The following ORC2 variants were observed in gnomAD, a reference collection of about 807,000 sequenced individuals.
ORC2 encodes the protein origin recognition complex protein 2 homolog.
ORC2 carries 37 observed loss-of-function variants against 77.7 expected under a neutral mutation model. The observed-to-expected ratio is 0.48, with a 90% CI of 0.37 to 0.63. The LOEUF (loss-of-function observed/expected upper bound fraction) is 0.63. Among genes scored for constraint, ORC2 ranks in the 20% least tolerant of loss-of-function variants. The pLI, the probability that ORC2 is intolerant of heterozygous loss-of-function variation, is 0.00. For missense variants in ORC2, 557 were observed against 661.9 expected, an observed-to-expected ratio of 0.84 and a Z score of 1.74; for synonymous variants, 201 against 229.5, an observed-to-expected ratio of 0.88 and a Z score of 1.12.
In ORC2 at chr2:200,914,493, T is replaced by TA. The variant is rs1158954483; in HGVS notation, c.1467-502dup. Among the ~76,000 whole-genome samples, 15 of 152,090 alleles carry TA rather than the reference T, an allele frequency of 9.9e-5. 1 individual carries two copies. In the East Asian group the frequency reaches 2.9e-3, roughly 29 times the overall value. ...CTTTTTTATTTCTTCTAAAGAAAAATATAGGCTGAGTGTGGTGCCTCACAC... is the reference window on the plus strand; with the variant it reads ...CTTTTTTATTTCTTCTAAAGAAAAATAATAGGCTGAGTGTGGTGCCTCACAC... On this transcript the variant is annotated intron_variant, in intron 15 of 17. Transcript: ENST00000234296.
intron 5 of ORC2, among the ~76,000 whole-genome samples, chr2:200,948,698 G>A (rs1199158622): frequency 6.6e-6 from 1 of 151,880 alleles, no homozygotes; most frequent in Non-Finnish European, 1.5e-5. Context: ...GGATAGCTAG[G>A]ACTACAGGCA....
chr2:200,956,460 C>A (rs1468016564), intron 4 of ORC2, among the ~76,000 whole-genome samples: 1 of 152,068 alleles, frequency 6.6e-6, no homozygotes, highest in Non-Finnish European at 1.5e-5. Context: ...AGATTACAGG[C>A]ATGAGCCATC....
At chr2:200,913,475 C>T (rs992920629) in intron 16 of ORC2, 62 bp from the exon 17 acceptor site, 8 of 1,500,796 alleles carry the variant, frequency 5.3e-6, no homozygotes, top group South Asian at 1.2e-5. Context: ...AATATACAAA[C>T]ACCCATACAA....
chr2:200,924,044 T>C (rs2040802362), intron 13 of ORC2, among the ~76,000 whole-genome samples: 3 of 152,166 alleles, frequency 2.0e-5, no homozygotes, highest in Admixed American at 2.0e-4. Flanking sequence ...TTCAAATGTG[T>C]AGAGTTGGTA....
intron 8 of ORC2, among the ~76,000 whole-genome samples, chr2:200,937,201 T>C (rs897967854): frequency 2.0e-5 from 3 of 152,130 alleles, no homozygotes; most frequent in Non-Finnish European, 4.4e-5. Flanking sequence ...TCACCTTCTC[T>C]CTAAAAAACA....
intron 1 of ORC2, among the ~76,000 whole-genome samples, chr2:200,960,917 C>T (rs1343801923): frequency 6.6e-6 from 1 of 151,878 alleles, no homozygotes; most frequent in East Asian, 1.9e-4. Context: ...GCTGGGACTA[C>T]AGGTGTGCAC....
intron 8 of ORC2, among the ~76,000 whole-genome samples, chr2:200,937,256 T>C (rs1423026589): frequency 1.3e-5 from 2 of 152,326 alleles, no homozygotes; most frequent in South Asian, 2.1e-4. Context: ...TGGGATATAG[T>C]TGACATGAAA....
At chr2:200,953,483 T>C (rs1257812130) in intron 4 of ORC2, among the ~76,000 whole-genome samples, 1 of 151,844 alleles carries the variant, frequency 6.6e-6, no homozygotes, top group Non-Finnish European at 1.5e-5. Flanking sequence ...TTGTACACTG[T>C]AGGTTGATAT....
rs1326587661 is a variant in ORC2, at chr2:200,949,613, C to T, written c.269G>A (p.Gly90Asp). 1 of 1,600,294 alleles carries T rather than the reference C, an allele frequency of 6.2e-7. No individual in the cohort carries two copies. Among genetic ancestry groups the T allele is most frequent in the Admixed American group, 1.7e-5 (1 of 59,506 alleles). The change falls in exon 5 of 18, where the codon GGT becomes GAT. Residue 90 changes from glycine to aspartate, a missense_variant. Gly to Asp is a moderately conservative substitution (Grantham distance 94, BLOSUM62 -1). Coordinates refer to ENST00000234296, the MANE Select transcript of ORC2 (RefSeq NM_006190.5). ...ESLKNGSATG[G>D]GNKVYSFQNR... ...CTGAAAAGAATAAACTTTATTTCCA[C>T]CACCTGTAGCAGAGCCATTTTTCAA...
intron 2 of ORC2, among the ~76,000 whole-genome samples, 190 bp from the exon 3 acceptor site, chr2:200,958,323 T>C (rs1163720340): frequency 1.3e-5 from 2 of 152,106 alleles, no homozygotes; most frequent in East Asian, 1.9e-4. Flanking sequence ...ATCTAAAAAA[T>C]TGGGGAGGCA....
At chr2:200,931,316 G>T (rs889805868) in intron 11 of ORC2, 23 bp downstream of exon 11, 3 of 927,992 alleles carry the variant, frequency 3.2e-6, no homozygotes, top group Non-Finnish European at 4.8e-6. Context: ...TATTTTACAA[G>T]GGTTTGTAAT....
At chr2:200,957,635 C>A in intron 3 of ORC2, 91 bp from the exon 4 acceptor site, 2 of 969,960 alleles carry the variant, frequency 2.1e-6, no homozygotes, top group South Asian at 3.0e-5. Flanking sequence ...TTTATATTGT[C>A]ATTACTTAAA....
At chr2:200,949,428 C>T in intron 5 of ORC2, 126 bp downstream of exon 5, 1 of 619,816 alleles carries the variant, frequency 1.6e-6, no homozygotes, top group South Asian at 1.9e-5. Context: ...TCATTATTCC[C>T]TAAACCATAG....
intron 5 of ORC2, among the ~76,000 whole-genome samples, chr2:200,945,102 C>T (rs1559019306): frequency 1.3e-5 from 2 of 152,202 alleles, no homozygotes; most frequent in Non-Finnish European, 2.9e-5. Context: ...TACTGTCTGG[C>T]CCTTTACAGA....
chr2:200,949,102 G>A (rs761536708), intron 5 of ORC2, among the ~76,000 whole-genome samples: 7 of 151,880 alleles, frequency 4.6e-5, no homozygotes, highest in Non-Finnish European at 1.0e-4. Flanking sequence ...TTAGCCGGGT[G>A]TGGTGGAGCA....
chr2:200,933,877 T>C lies in ORC2; in HGVS notation c.806A>G (p.Gln269Arg). The change falls in exon 10 of 18, where the codon CAG becomes CGG. Residue 269 changes from glutamine to arginine, a missense_variant and splice_region_variant. By Grantham distance (43) the Gln-to-Arg change is conservative (BLOSUM62 1). Transcript: ENST00000234296. ...LQKLKRAKLD[Q>R]QTLRNLLSKV... ...GAAGTAACATTCCTTGTAACATACCTGATCCAGTTTAGCTCTCTTTAGCTT... is the reference window on the plus strand; with the variant it reads ...GAAGTAACATTCCTTGTAACATACCCGATCCAGTTTAGCTCTCTTTAGCTT... The C allele has an allele frequency of 6.3e-7, 1 of 1,582,432 alleles. No individual in the cohort carries two copies. The highest frequency in any genetic ancestry group is 8.6e-7 in the Non-Finnish European group (1 of 1,157,676).
intron 9 of ORC2, 46 bp downstream of exon 9, chr2:200,935,653 T>A: frequency 7.4e-7 from 1 of 1,345,848 alleles, no homozygotes. Context: ...ATCTTTGAAA[T>A]ATTACACAAT....
intron 15 of ORC2, among the ~76,000 whole-genome samples, chr2:200,915,434 T>G (rs2040629903): frequency 1.3e-5 from 2 of 152,182 alleles, no homozygotes; most frequent in South Asian, 4.1e-4. Context: ...TTTCTAAGTT[T>G]AGATTAAAAA....
Position 200,963,656 on chromosome 2 carries a change from G to A in ORC2, c.-226C>T, listed in dbSNP as rs2041626048. The A allele has an allele frequency of 2.5e-6, 1 of 398,218 alleles. No individual in the cohort carries two copies. Among genetic ancestry groups the A allele is most frequent in the Non-Finnish European group, 4.4e-6 (1 of 225,972 alleles). 24.7% of individuals were successfully genotyped at this position (398,218 alleles called of 1,614,324 possible). A position where few individuals can be genotyped will look rare whatever the true frequency, so the allele number is the denominator to read the frequency against. On this transcript the variant is annotated 5_prime_UTR_variant, in exon 1 of 18. Transcript: ENST00000234296. ...GTAAGGAGCACCGGAGGCCAGCTGGGGGATGGGAAGCCTGCGTGCGGCACA... is the reference window on the plus strand; with the variant it reads ...GTAAGGAGCACCGGAGGCCAGCTGGAGGATGGGAAGCCTGCGTGCGGCACA...
Sources: allele counts gnomAD v4.1 joint callset (sites outside exome capture counted in the v4.1 genomes callset), GRCh38; gene constraint gnomAD v4.1.1; transcripts MANE v1.5; gene names NCBI Gene and HGNC (gene_info 2026-07-23, HGNC 2026-07-21).